Variants in VAV3 observed in about 807,000 individuals in gnomAD.
VAV3 encodes the protein guanine nucleotide exchange factor VAV3.
In VAV3, 94 loss-of-function variants were observed where a neutral mutation model predicts 131.2. The observed-to-expected ratio is 0.72, with a 90% CI of 0.61 to 0.85. VAV3 has a LOEUF of 0.85. Ranked by LOEUF, VAV3 falls within the 40% of genes least tolerant of loss-of-function variation. The pLI is 0.00. For synonymous variants in VAV3, 349 were observed against 342.0 expected, an observed-to-expected ratio of 1.02 and a Z score of -0.22; for missense variants, 939 against 1,002.7, an observed-to-expected ratio of 0.94 and a Z score of 0.86.
At chr1:107,714,285 A>G (rs145124275) in intron 15 of VAV3, among the ~76,000 whole-genome samples, 134 of 152,258 alleles carry the variant, frequency 8.8e-4, no homozygotes, top group African/African-American at 3.2e-3. Flanking sequence ...CCTTAGAATT[A>G]CCAATTAAAC....
At chr1:107,920,919 CAT>C (rs1243969631) in intron 1 of VAV3, among the ~76,000 whole-genome samples, 5 of 152,184 alleles carry the variant, frequency 3.3e-5, no homozygotes, top group African/African-American at 7.2e-5. Context: ...TCACATCTCA[CAT>C]GTGTTATATA....
At chr1:107,795,598 C>G (rs1227077345) in intron 2 of VAV3, among the ~76,000 whole-genome samples, 1 of 152,168 alleles carries the variant, frequency 6.6e-6, no homozygotes, top group Non-Finnish European at 1.5e-5. Context: ...TCTGAATGAT[C>G]TTTTAAGGTT....
At chr1:107,865,343 T>A (rs908707312) in intron 2 of VAV3, among the ~76,000 whole-genome samples, 2 of 152,090 alleles carry the variant, frequency 1.3e-5, no homozygotes, top group African/African-American at 4.8e-5. Flanking sequence ...AAGAACCAAC[T>A]AAGTCCAGAG....
rs549589088 is a variant in VAV3, at chr1:107,583,784, T to C, written c.2351-9586A>G. Among the ~76,000 whole-genome samples, 5 of 152,350 alleles carry C rather than the reference T, an allele frequency of 3.3e-5. No individual in the cohort carries two copies. The East Asian group carries it at 9.6e-4, about 29-fold the overall frequency. ...TACAAACAAATGGAAGAACATTCCA[T>C]GTTCATGGGTAGGAAGAATCAATAT... On this transcript the variant is annotated intron_variant, in intron 25 of 26. Coordinates refer to ENST00000370056, the MANE Select transcript of VAV3 (RefSeq NM_006113.5).
At chr1:107,957,657 A>T (rs774013878) in intron 1 of VAV3, among the ~76,000 whole-genome samples, 5 of 152,192 alleles carry the variant, frequency 3.3e-5, no homozygotes, top group Non-Finnish European at 5.9e-5. Flanking sequence ...AAAACTGAGA[A>T]GGAATAATAA....
intron 1 of VAV3, among the ~76,000 whole-genome samples, chr1:107,917,177 C>T (rs1450716206): frequency 6.6e-6 from 1 of 152,104 alleles, no homozygotes; most frequent in Non-Finnish European, 1.5e-5. Context: ...GCCACTGCTG[C>T]AAGAACCCAC....
chr1:107,600,278 C>T (rs1306401595), intron 24 of VAV3, among the ~76,000 whole-genome samples: 1 of 152,158 alleles, frequency 6.6e-6, no homozygotes, highest in Non-Finnish European at 1.5e-5. Context: ...GCCTCTTCAG[C>T]AATTTTTATA....
intron 19 of VAV3, chr1:107,668,872 C>T: frequency 2.0e-6 from 2 of 985,482 alleles, no homozygotes. Flanking sequence ...TAGCTTCTAG[C>T]TGGCAGTATC....
intron 22 of VAV3, among the ~76,000 whole-genome samples, chr1:107,605,785 T>C (rs1011153036): frequency 1.3e-5 from 2 of 152,210 alleles, no homozygotes; most frequent in South Asian, 4.1e-4. Context: ...TGTTTACACT[T>C]GGGTTCCATC....
At chr1:107,948,659 C>A (rs1177853079) in intron 1 of VAV3, among the ~76,000 whole-genome samples, 14 of 152,140 alleles carry the variant, frequency 9.2e-5, no homozygotes, top group Non-Finnish European at 2.1e-4. Flanking sequence ...GCCTAGCCAA[C>A]ATGGCGAAAT....
chr1:107,923,422 AGAG>A (rs1673011540), intron 1 of VAV3, among the ~76,000 whole-genome samples: 1 of 152,216 alleles, frequency 6.6e-6, no homozygotes, highest in Non-Finnish European at 1.5e-5. Flanking sequence ...TCATACGAAC[AGAG>A]CCTTCATGAA....
intron 2 of VAV3, among the ~76,000 whole-genome samples, chr1:107,786,681 T>G (rs568217582): frequency 6.6e-6 from 1 of 152,278 alleles, no homozygotes; most frequent in Non-Finnish European, 1.5e-5. Flanking sequence ...AAAATGTGAG[T>G]GTGACCTCAC....
chr1:107,790,570 T>C (rs1443613214), intron 2 of VAV3, among the ~76,000 whole-genome samples: 1 of 152,084 alleles, frequency 6.6e-6, no homozygotes, highest in Non-Finnish European at 1.5e-5. Context: ...GACAGGGGAA[T>C]TGAGGTCTGA....
At chr1:107,626,246 A>G (rs966215610) in intron 20 of VAV3, among the ~76,000 whole-genome samples, 2 of 152,172 alleles carry the variant, frequency 1.3e-5, no homozygotes, top group Admixed American at 1.3e-4. Context: ...CATTCCTGCA[A>G]ATTCAGTTTA....
chr1:107,638,897 TATACACACACATATAG>T (rs1203375362), intron 20 of VAV3, among the ~76,000 whole-genome samples: 1 of 151,938 alleles, frequency 6.6e-6, no homozygotes, highest in East Asian at 1.9e-4. Context: ...TGAAGATATA[TATACACACACATATAG>T]ATACACACAC....
intron 19 of VAV3, among the ~76,000 whole-genome samples, chr1:107,653,934 T>C (rs921650690): frequency 2.0e-5 from 3 of 152,052 alleles, no homozygotes; most frequent in Non-Finnish European, 4.4e-5. Context: ...TCTGAAACCA[T>C]GCTGAGTTGT....
intron 20 of VAV3, among the ~76,000 whole-genome samples, chr1:107,631,942 G>A (rs995445392): frequency 1.3e-5 from 2 of 151,942 alleles, no homozygotes; most frequent in African/African-American, 2.4e-5. Context: ...AAACATACGT[G>A]TGCATGTACC....
At chr1:107,920,937 T>C (rs1012458976) in intron 1 of VAV3, among the ~76,000 whole-genome samples, 7 of 152,216 alleles carry the variant, frequency 4.6e-5, no homozygotes, top group African/African-American at 1.7e-4. Flanking sequence ...ATATACAAAA[T>C]AAGCAAATAG....
At chr1:107,807,218 C>G (rs1430394177) in intron 2 of VAV3, among the ~76,000 whole-genome samples, 1 of 152,124 alleles carries the variant, frequency 6.6e-6, no homozygotes, top group Non-Finnish European at 1.5e-5. Context: ...AAATTCTAAC[C>G]CTTTCCTCGT....
Sources: gnomAD v4.1 joint callset for allele counts (sites outside exome capture counted in the v4.1 genomes callset) on GRCh38, gnomAD v4.1.1 for gene constraint, MANE v1.5 for transcripts, NCBI Gene and HGNC (gene_info 2026-07-23, HGNC 2026-07-21) for gene names.